The following PACRG variants were observed in gnomAD, a reference collection of about 807,000 sequenced individuals.
The protein encoded by PACRG is parkin coregulated gene protein.
PACRG carries 29 observed loss-of-function variants against 29.7 expected under a neutral mutation model. The ratio of observed to expected loss-of-function variants is 0.98; its 90% CI spans 0.73 to 1.33. The LOEUF (loss-of-function observed/expected upper bound fraction) is 1.33. PACRG is among the 40% of genes most tolerant of loss of function. The pLI, the probability that PACRG is intolerant of heterozygous loss-of-function variation, is 0.00. For synonymous variants in PACRG, 116 were observed against 118.7 expected (o/e 0.98, Z 0.15); for missense variants, 279 against 316.2 (o/e 0.88, Z 0.89).
chr6:163,018,380 A>G (rs1473145013), intron 2 of PACRG, among the ~76,000 whole-genome samples: 2 of 152,168 alleles, frequency 1.3e-5, no homozygotes, highest in African/African-American at 4.8e-5. Context: ...CTCACCAGAT[A>G]GTTTGGTTTT....
intron 4 of PACRG, among the ~76,000 whole-genome samples, chr6:163,142,400 A>G (rs936505538): frequency 6.6e-6 from 1 of 152,216 alleles, no homozygotes; most frequent in Non-Finnish European, 1.5e-5. Flanking sequence ...GAAATAATTT[A>G]CTAGAAACAT....
At position 163,315,123 on chromosome 6, in the gene PACRG, T is replaced by G; in HGVS notation, c.*136T>G. On this transcript the variant is annotated 3_prime_UTR_variant, in exon 5 of 5. Coordinates refer to ENST00000366888, the MANE Select transcript of PACRG (RefSeq NM_001080379.2). Reference sequence around the variant, plus strand: ...GCTAAAATAGTGGCTTATGGGCCATTGGACTGTTAGCCCTATTGAGAGCAA... The same window carrying G: ...GCTAAAATAGTGGCTTATGGGCCATGGGACTGTTAGCCCTATTGAGAGCAA... 9.8e-7 allele frequency: 1 copy of G among 1,023,416 alleles called. No individual in the cohort carries two copies. Among genetic ancestry groups the G allele is most frequent in the Non-Finnish European group, 1.4e-6 (1 of 705,574 alleles). The allele number at this position is 1,023,416 out of a possible 1,614,324, so 63.4% of individuals were successfully genotyped here.
chr6:163,082,613 T>C (rs949507303), intron 3 of PACRG, among the ~76,000 whole-genome samples: 1 of 152,192 alleles, frequency 6.6e-6, no homozygotes, highest in Non-Finnish European at 1.5e-5. Context: ...GTCCCTTCTG[T>C]TAGCGTCTCA....
At chr6:163,091,979 T>G (rs1814149664) in intron 4 of PACRG, among the ~76,000 whole-genome samples, 1 of 152,240 alleles carries the variant, frequency 6.6e-6, no homozygotes, top group Non-Finnish European at 1.5e-5. Context: ...TGAGAACAAT[T>G]GCACATTTCC....
intron 4 of PACRG, among the ~76,000 whole-genome samples, chr6:163,251,059 A>G (rs1197608327): frequency 2.0e-5 from 3 of 151,938 alleles, no homozygotes; most frequent in Admixed American, 1.3e-4. Context: ...GAGCTAAGCT[A>G]TGAGAATGCA....
At chr6:163,076,357 G>A (rs1812541787) in intron 3 of PACRG, among the ~76,000 whole-genome samples, 1 of 152,070 alleles carries the variant, frequency 6.6e-6, no homozygotes, top group Non-Finnish European at 1.5e-5. Context: ...CCTCTGCGAG[G>A]CCCTCGCTTC....
At chr6:162,961,103 T>A (rs1355959099) in intron 2 of PACRG, among the ~76,000 whole-genome samples, 1 of 152,214 alleles carries the variant, frequency 6.6e-6, no homozygotes, top group Non-Finnish European at 1.5e-5. Flanking sequence ...AACCTATTCA[T>A]GACACAGCAC....
At chr6:163,248,124 G>A (rs946641682) in intron 4 of PACRG, among the ~76,000 whole-genome samples, 1 of 152,188 alleles carries the variant, frequency 6.6e-6, no homozygotes, top group African/African-American at 2.4e-5. Flanking sequence ...TTTGCAAAGG[G>A]CAAATAGAGA....
At chr6:162,915,477 A>G (rs943834769) in intron 2 of PACRG, among the ~76,000 whole-genome samples, 2 of 152,072 alleles carry the variant, frequency 1.3e-5, no homozygotes, top group Admixed American at 6.6e-5. Context: ...TTTGGTCTAT[A>G]GACTACAGCT....
chr6:163,082,439 T>C (rs1465237429), intron 3 of PACRG, among the ~76,000 whole-genome samples: 1 of 152,130 alleles, frequency 6.6e-6, no homozygotes, highest in East Asian at 1.9e-4. Context: ...GAAAGAACAA[T>C]GAGAAATAGA....
intron 4 of PACRG, among the ~76,000 whole-genome samples, chr6:163,173,601 C>A (rs754582853): frequency 6.6e-6 from 1 of 152,210 alleles, no homozygotes; most frequent in Non-Finnish European, 1.5e-5. Flanking sequence ...GAGAGAATCA[C>A]GCTCTCCGCT....
intron 2 of PACRG, among the ~76,000 whole-genome samples, chr6:163,037,433 G>A (rs1287429119): frequency 6.6e-6 from 1 of 152,194 alleles, no homozygotes; most frequent in African/African-American, 2.4e-5. Flanking sequence ...GGTTGCCATG[G>A]TTAGAACCTG....
rs528477107 is a variant in PACRG, at chr6:163,185,869, A to G, written c.613+96461A>G. ...TTGTGCATCGGGAGAATTTTGCTGC[A>G]TTGAGCTCCAGAGCTGCTTCCCTGT... is the stretch of plus-strand genomic sequence containing the variant. On this transcript the variant is annotated intron_variant, in intron 4 of 4. Transcript: ENST00000366888. 3.2e-4 allele frequency among the ~76,000 whole-genome samples: 49 copies of G among 152,244 alleles called. 1 individual carries two copies. In the South Asian group the frequency reaches 9.5e-3, roughly 30 times the overall value.
intron 4 of PACRG, among the ~76,000 whole-genome samples, chr6:163,123,518 C>A (rs967061520): frequency 6.6e-6 from 1 of 152,166 alleles, no homozygotes; most frequent in Non-Finnish European, 1.5e-5. Flanking sequence ...TTAATAACTC[C>A]TATATTACTA....
intron 2 of PACRG, among the ~76,000 whole-genome samples, chr6:162,974,579 A>C (rs527555186): frequency 1.3e-5 from 2 of 152,310 alleles, no homozygotes; most frequent in Non-Finnish European, 2.9e-5. Flanking sequence ...TTTACTAAAT[A>C]GGTTCCCCAA....
chr6:163,199,533 A>T (rs758429296), intron 4 of PACRG, among the ~76,000 whole-genome samples: 1 of 152,198 alleles, frequency 6.6e-6, no homozygotes, highest in Non-Finnish European at 1.5e-5. Context: ...CTAGGCCTTG[A>T]TCACACAGGC....
intron 4 of PACRG, among the ~76,000 whole-genome samples, chr6:163,163,974 C>T (rs971365758): frequency 6.6e-6 from 1 of 152,018 alleles, no homozygotes; most frequent in Non-Finnish European, 1.5e-5. Context: ...AATCAAAGAA[C>T]AGCCTTTCTC....
chr6:162,843,836 G>A (rs200174213), intron 2 of PACRG, among the ~76,000 whole-genome samples: 1,640 of 30,810 alleles, frequency 0.053, 47 homozygotes, highest in East Asian at 0.2. Context: ...CTCAGCTGCA[G>A]GTCTGTTGGA....
Position 163,089,389 on chromosome 6 carries a change from C to T in PACRG, c.594C>T (p.Asn198=). 1.2e-6 allele frequency: 2 copies of T among 1,614,032 alleles called. No homozygotes were observed. The highest frequency in any genetic ancestry group is 1.3e-5 in the African/African-American group (1 of 75,038). Reference sequence around the variant, plus strand: ...ACCGTCAAATCCTCCCTGTCCTGAACATCTTTAAGAATATGAATGGTGAGT... The same window carrying T: ...ACCGTCAAATCCTCCCTGTCCTGAATATCTTTAAGAATATGAATGGTGAGT... ...PYYRQILPVL[N]IFKNMNVNSG... Residue 198 remains asparagine, a synonymous_variant, in exon 4 of 5, where the codon AAC becomes AAT. Transcript: ENST00000366888.
Sources: allele counts gnomAD v4.1 joint callset (sites outside exome capture counted in the v4.1 genomes callset), GRCh38; gene constraint gnomAD v4.1.1; transcripts MANE v1.5; gene names NCBI Gene and HGNC (gene_info 2026-07-23, HGNC 2026-07-21).